Variants in CLIC4 observed in about 807,000 individuals in gnomAD.
CLIC4 encodes CLIC family member 4.
Under a neutral mutation model 24.6 loss-of-function variants are expected in CLIC4, and 13 were observed. The ratio of observed to expected loss-of-function variants is 0.53; its 90% CI spans 0.34 to 0.84. CLIC4 has a LOEUF of 0.84. Ranked by LOEUF, CLIC4 falls within the 40% of genes least tolerant of loss-of-function variation. The probability of loss-of-function intolerance (pLI) is 0.01; values close to 1 mark genes in which losing one functional copy is unlikely to be tolerated. For synonymous variants in CLIC4, 104 were observed against 111.3 expected, an observed-to-expected ratio of 0.93 and a Z score of 0.41; for missense variants, 227 against 301.7, an observed-to-expected ratio of 0.75 and a Z score of 1.83.
chr1:24,828,996 A>G (rs1478508641), intron 4 of CLIC4, among the ~76,000 whole-genome samples: 1 of 152,158 alleles, frequency 6.6e-6, no homozygotes, highest in African/African-American at 2.4e-5. Context: ...TTGGAGCTTA[A>G]TGGGCCCTCC....
rs114994366 is a variant in CLIC4, at chr1:24,815,963, C to T, written c.308+1744C>T. 2.4e-3 allele frequency among the ~76,000 whole-genome samples: 370 copies of T among 152,234 alleles called. 2 individuals carry two copies. The highest frequency in any genetic ancestry group is 8.3e-3 in the African/African-American group (345 of 41,536). On this transcript the variant is annotated intron_variant, in intron 3 of 5. Coordinates refer to ENST00000374379, the MANE Select transcript of CLIC4 (RefSeq NM_013943.3). ...GTTCTTAGCATCTTCACTAGGTATA[C>T]ATTCTATCTCAAGAAACCATTTTCT...
intron 3 of CLIC4, among the ~76,000 whole-genome samples, chr1:24,814,637 A>T (rs1265490678): frequency 6.6e-6 from 1 of 152,212 alleles, no homozygotes; most frequent in Non-Finnish European, 1.5e-5. Flanking sequence ...TTTTAAAGGT[A>T]ACTTTCTAAA....
At position 24,749,397 on chromosome 1, in the gene CLIC4, A is replaced by C. The variant is rs1385850820; in HGVS notation, c.72+3772A>C. Among the ~76,000 whole-genome samples the C allele has an allele frequency of 2.0e-5, 3 of 152,108 alleles. No individual in the cohort carries two copies. The East Asian group carries it at 5.8e-4, about 29-fold the overall frequency. The stretch of plus-strand genomic sequence containing the variant: ...AGAAATTTGGTGGTGGCGCTAGGGG[A>C]AAGGCCAAGAGATGTAATGGGGCTT... On this transcript the variant is annotated intron_variant, in intron 1 of 5. Coordinates refer to ENST00000374379, the MANE Select transcript of CLIC4 (RefSeq NM_013943.3).
intron 4 of CLIC4, among the ~76,000 whole-genome samples, chr1:24,829,644 T>C (rs1639820518): frequency 6.6e-6 from 1 of 152,198 alleles, no homozygotes. Flanking sequence ...TTTATAATAC[T>C]CATAAAAGAG....
intron 1 of CLIC4, among the ~76,000 whole-genome samples, chr1:24,746,177 A>G (rs1195649400): frequency 2.0e-5 from 3 of 152,246 alleles, no homozygotes; most frequent in African/African-American, 7.2e-5. Context: ...TTTACCAAAG[A>G]GCAGGTGCTC....
At chr1:24,833,285 C>G (rs1315389932) in intron 4 of CLIC4, among the ~76,000 whole-genome samples, 1 of 2,404 alleles carries the variant, frequency 4.2e-4, no homozygotes, top group South Asian at 0.012. Flanking sequence ...TAGGGGCGGC[C>G]GGGCAGAGGC....
chr1:24,765,453 G>A (rs1239611361), intron 1 of CLIC4, among the ~76,000 whole-genome samples: 2 of 152,214 alleles, frequency 1.3e-5, no homozygotes, highest in Non-Finnish European at 2.9e-5. Context: ...CAGAGAAATA[G>A]GTCGAGAGGG....
chr1:24,820,678 C>T (rs942597551), intron 3 of CLIC4, among the ~76,000 whole-genome samples: 1 of 151,204 alleles, frequency 6.6e-6, no homozygotes, highest in Non-Finnish European at 1.5e-5. Flanking sequence ...ATTGTATCAA[C>T]ATTAAATTAT....
chr1:24,814,204 T>G lies in CLIC4; in HGVS notation c.293T>G (p.Val98Gly), dbSNP rs779427717. The G allele has an allele frequency of 2.2e-5, 35 of 1,613,304 alleles. No homozygotes were observed. Among genetic ancestry groups the G allele is most frequent in the Non-Finnish European group, 2.9e-5 (34 of 1,179,782 alleles). Residue 98 changes from valine (V) to glycine (G), a missense_variant, in exon 3 of 6, where the codon GTC becomes GGC. Physicochemically the swap from Val to Gly is moderately radical, Grantham distance 109. Coordinates refer to ENST00000374379, the MANE Select transcript of CLIC4 (RefSeq NM_013943.3). Reference protein sequence around the residue: ...VNKIEEFLEEVLCPPKYLKLS... With the variant: ...VNKIEEFLEEGLCPPKYLKLS... ...AAGATTGAGGAATTTCTTGAAGAAG[T>G]CTTATGCCCTCCCAAGTGAGTATCA...
At chr1:24,775,938 T>A (rs1437837505) in intron 1 of CLIC4, among the ~76,000 whole-genome samples, 1 of 152,048 alleles carries the variant, frequency 6.6e-6, no homozygotes, top group Non-Finnish European at 1.5e-5. Context: ...TTTATATATA[T>A]AAATTTTGTT....
At chr1:24,789,857 T>A (rs986148453) in intron 1 of CLIC4, among the ~76,000 whole-genome samples, 2 of 152,192 alleles carry the variant, frequency 1.3e-5, no homozygotes, top group Admixed American at 1.3e-4. Flanking sequence ...TGATTCTTGG[T>A]ATGACACGTT....
chr1:24,791,018 T>G (rs990310479), intron 1 of CLIC4, among the ~76,000 whole-genome samples: 4 of 151,786 alleles, frequency 2.6e-5, no homozygotes, highest in African/African-American at 9.7e-5. Context: ...AAAAGAAAAA[T>G]AGTAGTATGT....
intron 1 of CLIC4, among the ~76,000 whole-genome samples, chr1:24,762,498 A>T (rs1638940511): frequency 6.6e-6 from 1 of 152,156 alleles, no homozygotes; most frequent in South Asian, 2.1e-4. Flanking sequence ...GTTCTGAGGA[A>T]CTCTAAACAC....
chr1:24,813,449 T>C (rs1440385015), intron 2 of CLIC4, among the ~76,000 whole-genome samples: 1 of 152,100 alleles, frequency 6.6e-6, no homozygotes, highest in African/African-American at 2.4e-5. Context: ...GACAGGGTTT[T>C]ACTCTGTCAC....
At chr1:24,799,145 A>G (rs1332934128) in intron 2 of CLIC4, among the ~76,000 whole-genome samples, 3 of 138,448 alleles carry the variant, frequency 2.2e-5, no homozygotes, top group Non-Finnish European at 4.6e-5. Context: ...CTGGCTGCCT[A>G]GTCTGGAAAG....
At chr1:24,759,465 A>G (rs1571230627) in intron 1 of CLIC4, among the ~76,000 whole-genome samples, 1 of 150,882 alleles carries the variant, frequency 6.6e-6, no homozygotes, top group Non-Finnish European at 1.5e-5. Flanking sequence ...CCTATACAAT[A>G]CGTGACTTTT....
At chr1:24,818,256 T>C (rs1639690599) in intron 3 of CLIC4, among the ~76,000 whole-genome samples, 1 of 152,120 alleles carries the variant, frequency 6.6e-6, no homozygotes, top group African/African-American at 2.4e-5. Flanking sequence ...AGACAAGTTA[T>C]ACCTGAAGTT....
intron 1 of CLIC4, among the ~76,000 whole-genome samples, chr1:24,754,439 C>T (rs1409859402): frequency 2.0e-5 from 3 of 152,080 alleles, no homozygotes; most frequent in Admixed American, 1.3e-4. Context: ...GTTCTGATGT[C>T]CCCTGAGTAG....
intron 4 of CLIC4, among the ~76,000 whole-genome samples, chr1:24,828,124 A>T (rs144916570): frequency 6.6e-6 from 1 of 152,198 alleles, no homozygotes; most frequent in South Asian, 2.1e-4. Context: ...AAAGTGAAAT[A>T]CTTGCTAATT....
Sources: allele counts gnomAD v4.1 joint callset (sites outside exome capture counted in the v4.1 genomes callset), GRCh38; gene constraint gnomAD v4.1.1; transcripts MANE v1.5; gene names NCBI Gene and HGNC (gene_info 2026-07-23, HGNC 2026-07-21).